ZNF536: variants seen among roughly 807,000 people sequenced by gnomAD.
ZNF536 encodes the protein zinc finger protein 536.
ZNF536 carries 13 observed loss-of-function variants against 84.5 expected under a neutral mutation model. The ratio of observed to expected loss-of-function variants is 0.15; its 90% CI spans 0.10 to 0.24. The LOEUF is 0.24. Among genes scored for constraint, ZNF536 ranks in the 10% least tolerant of loss-of-function variants. ZNF536 has a pLI of 1.00. For synonymous variants in ZNF536, 811 were observed against 742.5 expected (o/e 1.09, Z -1.50); for missense variants, 1,536 against 1,747.5 (o/e 0.88, Z 2.16).
intron 1 of ZNF536, among the ~76,000 whole-genome samples, chr19:30,232,426 G>A (rs2023135980): frequency 2.0e-5 from 1 of 51,154 alleles, no homozygotes; most frequent in Non-Finnish European, 3.8e-5. Context: ...CAGCCCTTCT[G>A]CCCCGCCTTT....
At chr19:30,588,802 C>T (rs181117548) in intron 1 of ZNF536, among the ~76,000 whole-genome samples, 7 of 151,994 alleles carry the variant, frequency 4.6e-5, no homozygotes, top group South Asian at 2.1e-4. Context: ...CCTGGGCTTC[C>T]GTTTATGGTT....
intron 3 of ZNF536, among the ~76,000 whole-genome samples, chr19:30,358,130 G>T (rs762933279): frequency 6.6e-6 from 1 of 152,116 alleles, no homozygotes. Flanking sequence ...TTGCCAAGTG[G>T]TACTGTCCTC....
intron 1 of ZNF536, among the ~76,000 whole-genome samples, chr19:30,617,041 A>T (rs114333573): frequency 2.6e-5 from 4 of 152,086 alleles, no homozygotes; most frequent in Non-Finnish European, 5.9e-5. Context: ...AATTGAAGAT[A>T]CTTGGTTCCT....
rs569826635 is a variant in ZNF536, at chr19:30,633,351, C to T, written c.170-77406C>T. Among the ~76,000 whole-genome samples, 14 of 152,280 alleles carry T rather than the reference C, an allele frequency of 9.2e-5. No homozygotes were observed. The South Asian group carries it at 1.7e-3, about 18-fold the overall frequency. On this transcript the variant is annotated intron_variant, in intron 1 of 1. Transcript: ENST00000592773. The stretch of plus-strand genomic sequence containing the variant: ...AGAGGAGTTATGGTTTTAAATACGA[C>T]GTGGGAAGATTGAATTAATCTGATT...
intron 1 of ZNF536, among the ~76,000 whole-genome samples, chr19:30,269,365 C>T (rs2025695584): frequency 6.6e-6 from 1 of 151,936 alleles, no homozygotes; most frequent in African/African-American, 2.4e-5. Context: ...GGAAGTTGCA[C>T]CAGGGATAAT....
intron 1 of ZNF536, among the ~76,000 whole-genome samples, chr19:30,432,321 A>T (rs1261925621): frequency 6.6e-6 from 1 of 152,072 alleles, no homozygotes; most frequent in Non-Finnish European, 1.5e-5. Context: ...GGGGGCTTGG[A>T]GGACTTTCCA....
chr19:30,700,572 G>T (rs1192385076), intron 1 of ZNF536, among the ~76,000 whole-genome samples: 4 of 151,938 alleles, frequency 2.6e-5, no homozygotes, highest in Non-Finnish European at 5.9e-5. Context: ...ATTTTTGTAG[G>T]GATGAGGGCT....
Position 30,627,036 on chromosome 19 carries a change from G to A in ZNF536, c.169+77522G>A, listed in dbSNP as rs1212109826. Among the ~76,000 whole-genome samples the A allele has an allele frequency of 2.0e-5, 3 of 152,266 alleles. No homozygotes were observed. In the East Asian group the frequency reaches 5.8e-4, roughly 29 times the overall value. On this transcript the variant is annotated intron_variant, in intron 1 of 1. Transcript: ENST00000592773. ...GGAGTACTGGGCTCTGGAGGGTGGG[G>A]GCTCAATGACCTCTTTCATCTTGAC...
intron 1 of ZNF536, among the ~76,000 whole-genome samples, chr19:30,702,529 G>C (rs1001074513): frequency 1.3e-5 from 2 of 152,150 alleles, no homozygotes; most frequent in African/African-American, 4.8e-5. Flanking sequence ...TGGGGATTGG[G>C]AACATTCTGG....
chr19:30,294,483 A>AC (rs2045935944), intron 2 of ZNF536, among the ~76,000 whole-genome samples: 1 of 152,096 alleles, frequency 6.6e-6, no homozygotes, highest in African/African-American at 2.4e-5. Context: ...GACAGTTAAA[A>AC]AATGTAAGTA....
At chr19:30,597,793 T>G (rs1568588078) in intron 1 of ZNF536, among the ~76,000 whole-genome samples, 1 of 152,246 alleles carries the variant, frequency 6.6e-6, no homozygotes, top group Non-Finnish European at 1.5e-5. Flanking sequence ...GTATGCATAT[T>G]TTTGTTGTTG....
At chr19:30,704,796 C>T (rs1310170356) in intron 1 of ZNF536, among the ~76,000 whole-genome samples, 2 of 152,136 alleles carry the variant, frequency 1.3e-5, no homozygotes, top group Non-Finnish European at 2.9e-5. Context: ...TCCAAACCCA[C>T]AGCCCCCTCA....
At chr19:30,544,850 A>G (rs1047317342) in intron 3 of ZNF536, among the ~76,000 whole-genome samples, 1 of 152,202 alleles carries the variant, frequency 6.6e-6, no homozygotes, top group Non-Finnish European at 1.5e-5. Context: ...CATGTGCTTC[A>G]ACATGTCTTA....
chr19:30,511,737 A>G (rs1199016624), intron 2 of ZNF536, among the ~76,000 whole-genome samples: 1 of 152,218 alleles, frequency 6.6e-6, no homozygotes, highest in African/African-American at 2.4e-5. Flanking sequence ...TTGTCACATT[A>G]TTATTTAAGT....
At chr19:30,448,934 G>A (rs531285781) in intron 2 of ZNF536, among the ~76,000 whole-genome samples, 1 of 152,208 alleles carries the variant, frequency 6.6e-6, no homozygotes, top group Non-Finnish European at 1.5e-5. Flanking sequence ...GGCTAATGTG[G>A]GATGCAGCTG....
chr19:30,547,807 A>G (rs535753408), intron 3 of ZNF536, 136 bp from the exon 4 acceptor site: 4 of 1,007,836 alleles, frequency 4.0e-6, no homozygotes, highest in South Asian at 4.3e-5. Context: ...TTATTCTTCT[A>G]TTAAAAAACA....
intron 1 of ZNF536, among the ~76,000 whole-genome samples, chr19:30,389,405 C>T (rs926038893): frequency 2.6e-5 from 4 of 152,132 alleles, no homozygotes; most frequent in Non-Finnish European, 5.9e-5. Context: ...ACTCTGGACA[C>T]GAGACCCTTG....
chr19:30,477,462 C>T (rs2053897376), intron 2 of ZNF536, among the ~76,000 whole-genome samples: 1 of 152,158 alleles, frequency 6.6e-6, no homozygotes, highest in Non-Finnish European at 1.5e-5. Flanking sequence ...TTTTATGAAA[C>T]AGCAACCTCC....
chr19:30,331,138 G>A (rs192268039), intron 2 of ZNF536, among the ~76,000 whole-genome samples: 5 of 151,134 alleles, frequency 3.3e-5, no homozygotes, highest in Non-Finnish European at 5.9e-5. Flanking sequence ...AAAAAATTTA[G>A]CCAGGCATGG....
Sources: allele counts gnomAD v4.1 joint callset (sites outside exome capture counted in the v4.1 genomes callset), GRCh38; gene constraint gnomAD v4.1.1; transcripts MANE v1.5; gene names NCBI Gene and HGNC (gene_info 2026-07-23, HGNC 2026-07-21).